Variants in DCC observed in about 807,000 individuals in gnomAD.
DCC encodes the protein netrin receptor DCC.
DCC carries 58 observed loss-of-function variants against 172.5 expected under a neutral mutation model. The observed-to-expected ratio is 0.34, with a 90% CI of 0.27 to 0.42. DCC has a LOEUF of 0.42. Among genes scored for constraint, DCC ranks in the 10% least tolerant of loss-of-function variants. DCC has a pLI of 1.00. For missense variants in DCC, 1,740 were observed against 1,791.0 expected, an observed-to-expected ratio of 0.97 and a Z score of 0.51; for synonymous variants, 709 against 644.5, an observed-to-expected ratio of 1.10 and a Z score of -1.52.
intron 1 of DCC, among the ~76,000 whole-genome samples, chr18:52,496,828 T>C (rs1297252848): frequency 6.6e-6 from 1 of 152,154 alleles, no homozygotes; most frequent in African/African-American, 2.4e-5. Flanking sequence ...TTTTAGATGT[T>C]TTATTTTAAA....
intron 7 of DCC, among the ~76,000 whole-genome samples, chr18:53,115,747 T>C (rs1257228958): frequency 6.6e-6 from 1 of 151,652 alleles, no homozygotes; most frequent in Non-Finnish European, 1.5e-5. Flanking sequence ...CATTTGGTTA[T>C]TTGGCATTAA....
intron 8 of DCC, among the ~76,000 whole-genome samples, chr18:53,171,736 T>TC (rs1245305062): frequency 1.3e-5 from 2 of 151,900 alleles, no homozygotes; most frequent in African/African-American, 4.8e-5. Context: ...CAGATACTTC[T>TC]CAAAAGAACA....
chr18:52,400,840 G>A lies in DCC; in HGVS notation c.91+59962G>A, dbSNP rs139157539. On this transcript the variant is annotated intron_variant, in intron 1 of 28. Coordinates refer to ENST00000442544, the MANE Select transcript of DCC (RefSeq NM_005215.4). ...CCATCATTCTTAGTCAACTAACACA[G>A]GAACAGAAAACCAAACACCGCATGT... 1.3e-3 allele frequency among the ~76,000 whole-genome samples: 201 copies of A among 152,054 alleles called. 1 individual carries two copies. The highest frequency in any genetic ancestry group is 4.5e-3 in the African/African-American group (186 of 41,508).
chr18:53,108,034 C>T (rs1276162414), intron 7 of DCC, among the ~76,000 whole-genome samples: 1 of 151,512 alleles, frequency 6.6e-6, no homozygotes, highest in African/African-American at 2.4e-5. Context: ...AACTTTAATC[C>T]AAGAGTAAAA....
chr18:52,902,591 G>C (rs1004343823), intron 2 of DCC, among the ~76,000 whole-genome samples: 1 of 152,054 alleles, frequency 6.6e-6, no homozygotes, highest in African/African-American at 2.4e-5. Context: ...TATTTCATAC[G>C]TATGCGTTAT....
chr18:52,801,560 T>G (rs2037985020), intron 2 of DCC, among the ~76,000 whole-genome samples: 1 of 152,182 alleles, frequency 6.6e-6, no homozygotes. Context: ...AAATAATAAT[T>G]AAAAGTCTAT....
At chr18:52,684,980 C>T (rs970354688) in intron 1 of DCC, among the ~76,000 whole-genome samples, 1 of 152,066 alleles carries the variant, frequency 6.6e-6, no homozygotes, top group Admixed American at 6.6e-5. Flanking sequence ...TAGATGTGTG[C>T]TTCCAATTCC....
At chr18:52,448,007 G>A (rs920978861) in intron 1 of DCC, among the ~76,000 whole-genome samples, 5 of 152,130 alleles carry the variant, frequency 3.3e-5, no homozygotes, top group African/African-American at 1.2e-4. Flanking sequence ...CTGGAGAATG[G>A]TGAGATATTC....
At chr18:52,790,144 A>G (rs12454414) in intron 2 of DCC, among the ~76,000 whole-genome samples, 85,629 of 152,014 alleles carry the variant, frequency 0.56, 27,942 homozygotes, top group East Asian at 0.88. Flanking sequence ...GACTAAAAGT[A>G]TTGCCACGTG....
intron 1 of DCC, among the ~76,000 whole-genome samples, chr18:52,643,959 T>TTC (rs1555708345): frequency 0.011 from 70 of 6,330 alleles, no homozygotes; most frequent in Admixed American, 0.05. Flanking sequence ...AGTATTTTGG[T>TTC]TTTTTTTTTC....
chr18:52,533,201 A>T (rs1295857866), intron 1 of DCC, among the ~76,000 whole-genome samples: 2 of 152,158 alleles, frequency 1.3e-5, no homozygotes, highest in Non-Finnish European at 2.9e-5. Flanking sequence ...GGATATCGAC[A>T]TTTGATACAA....
intron 15 of DCC, among the ~76,000 whole-genome samples, chr18:53,369,220 T>G (rs2058035128): frequency 2.6e-5 from 4 of 151,980 alleles, no homozygotes; most frequent in Admixed American, 6.6e-5. Context: ...TTTTGTAATT[T>G]CTTTTTCAGA....
chr18:52,469,140 C>A (rs1988874702), intron 1 of DCC, among the ~76,000 whole-genome samples: 1 of 152,148 alleles, frequency 6.6e-6, no homozygotes, highest in Non-Finnish European at 1.5e-5. Flanking sequence ...TCACTGCAAA[C>A]TCTGCCTCCT....
At chr18:53,323,850 G>A (rs929701658) in intron 14 of DCC, among the ~76,000 whole-genome samples, 2 of 152,164 alleles carry the variant, frequency 1.3e-5, no homozygotes, top group African/African-American at 4.8e-5. Flanking sequence ...GGTTTTTAAA[G>A]TCAAGACAAT....
intron 1 of DCC, among the ~76,000 whole-genome samples, chr18:52,434,385 C>A (rs1987721705): frequency 6.6e-6 from 1 of 152,138 alleles, no homozygotes; most frequent in Non-Finnish European, 1.5e-5. Context: ...CTAAGGATTA[C>A]CTGGCCCAAA....
intron 5 of DCC, among the ~76,000 whole-genome samples, chr18:52,930,717 C>A (rs1018583617): frequency 6.6e-6 from 1 of 152,058 alleles, no homozygotes; most frequent in Non-Finnish European, 1.5e-5. Flanking sequence ...TTTTGACCTT[C>A]ATACATTTAT....
At position 53,504,985 on chromosome 18, in the gene DCC, G is replaced by C. The variant is rs962536511; in HGVS notation, c.4111+5475G>C. 1.1e-4 allele frequency among the ~76,000 whole-genome samples: 16 copies of C among 152,166 alleles called. No individual in the cohort carries two copies. The South Asian group carries it at 1.5e-3, about 14-fold the overall frequency. ...ATACAGGATTTTACCTAGCTTTTTT[G>C]TGATGTTAACAGTTATTCTTAGAGT... On this transcript the variant is annotated intron_variant, in intron 27 of 28. Transcript: ENST00000442544.
intron 1 of DCC, among the ~76,000 whole-genome samples, chr18:52,380,031 T>A (rs1985517911): frequency 6.6e-6 from 1 of 152,078 alleles, no homozygotes; most frequent in Non-Finnish European, 1.5e-5. Context: ...TCCAAGAGGG[T>A]ACCTTTTGCC....
intron 10 of DCC, among the ~76,000 whole-genome samples, chr18:53,206,314 CATATATGTATTGTAA>C (rs2055633820): frequency 3.2e-4 from 29 of 90,088 alleles, no homozygotes; most frequent in African/African-American, 1.1e-3. Flanking sequence ...CACATATATA[CATATATGTATTGTAA>C]CACATATATG....
Sources: gnomAD v4.1 joint callset for allele counts (sites outside exome capture counted in the v4.1 genomes callset) on GRCh38, gnomAD v4.1.1 for gene constraint, MANE v1.5 for transcripts, NCBI Gene and HGNC (gene_info 2026-07-23, HGNC 2026-07-21) for gene names.